Variants in JADE3 observed in about 807,000 individuals in gnomAD.
JADE3 encodes protein Jade-3.
Under a neutral mutation model 50.1 loss-of-function variants are expected in JADE3, and 2 were observed. The ratio of observed to expected loss-of-function variants is 0.04; its 90% CI spans 0.02 to 0.13. The LOEUF (loss-of-function observed/expected upper bound fraction) is 0.13, where lower values mean the gene tolerates loss of function less well. JADE3 is among the 10% of genes least tolerant of loss of function. The probability of loss-of-function intolerance (pLI) is 1.00; values close to 1 mark genes in which losing one functional copy is unlikely to be tolerated. For missense variants in JADE3, 475 were observed against 634.4 expected, an observed-to-expected ratio of 0.75 and a Z score of 2.70; for synonymous variants, 218 against 232.9, an observed-to-expected ratio of 0.94 and a Z score of 0.58.
chrX:46,920,289 T>TA (rs1361927010), intron 1 of JADE3, among the ~76,000 whole-genome samples: 6 of 112,658 alleles, frequency 5.3e-5, no homozygotes, highest in Non-Finnish European at 1.1e-4. Flanking sequence ...AATTTTTAAC[T>TA]ATAATTCTGC....
chrX:46,999,364 A>G (rs186009943), intron 4 of JADE3, among the ~76,000 whole-genome samples: 1 of 96,265 alleles, frequency 1.0e-5, no homozygotes, highest in Non-Finnish European at 2.0e-5. Context: ...TTTTGGTGAC[A>G]CATTCAAACT....
chrX:46,964,433 C>T (rs192224297), intron 1 of JADE3, among the ~76,000 whole-genome samples: 1 of 111,818 alleles, frequency 8.9e-6, no homozygotes, highest in Non-Finnish European at 1.9e-5. Context: ...TATTGAGAAG[C>T]CACCTATGCC....
intron 4 of JADE3, among the ~76,000 whole-genome samples, chrX:47,014,239 T>C (rs1489329174): frequency 8.9e-6 from 1 of 112,281 alleles, no homozygotes; most frequent in Non-Finnish European, 1.9e-5. Flanking sequence ...ACTGAAGAAC[T>C]GTGACTGTAT....
chrX:46,921,197 G>C (rs897636653), intron 1 of JADE3, among the ~76,000 whole-genome samples: 1 of 111,865 alleles, frequency 8.9e-6, no homozygotes, highest in Non-Finnish European at 1.9e-5. Context: ...CTGCCTCAGC[G>C]TCTTGAGTAG....
chrX:46,941,404 C>T (rs1361492022), intron 1 of JADE3, among the ~76,000 whole-genome samples: 1 of 110,961 alleles, frequency 9.0e-6, no homozygotes, highest in African/African-American at 3.3e-5. Context: ...ATTTATTTTC[C>T]TTTGGGTGAT....
intron 1 of JADE3, among the ~76,000 whole-genome samples, chrX:46,974,034 T>C (rs1321357763): frequency 2.0e-5 from 2 of 101,947 alleles, no homozygotes; most frequent in African/African-American, 3.6e-5. Flanking sequence ...GAGCCAAGAT[T>C]GCGCTATTGC....
intron 1 of JADE3, among the ~76,000 whole-genome samples, chrX:46,943,875 T>C (rs781896931): frequency 8.9e-6 from 1 of 111,814 alleles, no homozygotes; most frequent in South Asian, 3.7e-4. Flanking sequence ...TTTTTTATTA[T>C]TGATTTAGTT....
chrX:46,956,988 A>AT (rs201209980), intron 1 of JADE3, among the ~76,000 whole-genome samples: 1,223 of 108,049 alleles, frequency 0.011, 23 homozygotes, highest in African/African-American at 0.04. Flanking sequence ...CTTCCAGCTA[A>AT]TTTTTTTTTA....
At chrX:46,962,805 G>A (rs1172974130) in intron 1 of JADE3, among the ~76,000 whole-genome samples, 1 of 108,262 alleles carries the variant, frequency 9.2e-6, no homozygotes, top group African/African-American at 3.3e-5. Flanking sequence ...TGCAACAATG[G>A]CAGTTTCATA....
At chrX:47,023,153 A>T (rs782596776) in intron 4 of JADE3, among the ~76,000 whole-genome samples, 13 of 111,108 alleles carry the variant, frequency 1.2e-4, no homozygotes, top group African/African-American at 3.9e-4. Context: ...CATGTGCAGG[A>T]TGTATAGGTT....
At chrX:46,979,757 A>G (rs1046058787) in intron 1 of JADE3, among the ~76,000 whole-genome samples, 22 of 111,272 alleles carry the variant, frequency 2.0e-4, no homozygotes, top group African/African-American at 7.2e-4. Flanking sequence ...TGTAATAATA[A>G]GTATGTAATA....
chrX:46,917,815 C>CA (rs1926122465), intron 1 of JADE3, among the ~76,000 whole-genome samples: 1 of 86,135 alleles, frequency 1.2e-5, no homozygotes, highest in South Asian at 7.1e-4. Flanking sequence ...CTCTCTCTCT[C>CA]TCTCTCACTC....
At position 47,058,273 on chromosome X, in the gene JADE3, C is replaced by T. The variant is rs1556373806; in HGVS notation, c.1668C>T (p.Ser556=). Residue 556 remains serine, a synonymous_variant, in exon 11 of 11, where the codon AGC becomes AGT. Coordinates refer to ENST00000614628, the MANE Select transcript of JADE3 (RefSeq NM_014735.5). ...PKSTPEDHRN[S]STETDQQPHS... Reference sequence around the variant, plus strand: ...CAACCCCAGAAGACCACAGAAACAGCTCCACAGAAACCGATCAGCAGCCCC... The same window carrying T: ...CAACCCCAGAAGACCACAGAAACAGTTCCACAGAAACCGATCAGCAGCCCC... 8.3e-7 allele frequency: 1 copy of T among 1,210,994 alleles called. No individual in the cohort carries two copies. Among genetic ancestry groups the T allele is most frequent in the South Asian group, 1.8e-5 (1 of 56,911 alleles).
At chrX:46,959,015 C>A (rs1182512505) in intron 1 of JADE3, among the ~76,000 whole-genome samples, 4 of 111,962 alleles carry the variant, frequency 3.6e-5, no homozygotes, top group African/African-American at 1.3e-4. Flanking sequence ...TCCTGGTAGT[C>A]TTTCTCTTGT....
chrX:46,962,596 A>G (rs1556347978), intron 1 of JADE3, among the ~76,000 whole-genome samples: 2 of 111,974 alleles, frequency 1.8e-5, no homozygotes, highest in African/African-American at 6.5e-5. Flanking sequence ...TGTATTTATA[A>G]GCGAGGCTTT....
In JADE3 at chrX:46,986,959, G is replaced by A. The variant is rs1927877146; in HGVS notation, c.126+1167G>A. Reference sequence around the variant, plus strand: ...ATTATCACAAAATTCGTGTCTTAAAGCAGCACACACTTATATCTCAGTTTC... The same window carrying A: ...ATTATCACAAAATTCGTGTCTTAAAACAGCACACACTTATATCTCAGTTTC... On this transcript the variant is annotated intron_variant, in intron 3 of 10. Coordinates refer to ENST00000614628, the MANE Select transcript of JADE3 (RefSeq NM_014735.5). Among the ~76,000 whole-genome samples, 4 of 112,442 alleles carry A rather than the reference G, an allele frequency of 3.6e-5. No homozygotes were observed. In the Admixed American group the frequency reaches 3.8e-4, roughly 11 times the overall value.
chrX:46,948,587 G>T (rs1005566308), intron 1 of JADE3, among the ~76,000 whole-genome samples: 6 of 112,201 alleles, frequency 5.3e-5, no homozygotes, highest in African/African-American at 1.9e-4. Context: ...TGCAAAGAAG[G>T]ATAAAGATAG....
chrX:47,044,369 T>A (rs1863993874), intron 8 of JADE3, among the ~76,000 whole-genome samples: 1 of 110,704 alleles, frequency 9.0e-6, no homozygotes, highest in Non-Finnish European at 1.9e-5. Context: ...CAGGAGAGAG[T>A]GGCATGACAT....
At chrX:46,967,551 T>G (rs1927394222) in intron 1 of JADE3, among the ~76,000 whole-genome samples, 1 of 111,710 alleles carries the variant, frequency 9.0e-6, no homozygotes, top group South Asian at 3.8e-4. Flanking sequence ...CATCCATGAC[T>G]TAGATCTTTT....
Sources: gnomAD v4.1 joint callset for allele counts (sites outside exome capture counted in the v4.1 genomes callset) on GRCh38, gnomAD v4.1.1 for gene constraint, MANE v1.5 for transcripts, NCBI Gene and HGNC (gene_info 2026-07-23, HGNC 2026-07-21) for gene names.